CHERP: variants seen among roughly 807,000 people sequenced by gnomAD.
CHERP encodes ERPROT 213-21.
A neutral mutation model predicts 113.8 loss-of-function variants in CHERP; 8 were observed. The ratio of observed to expected loss-of-function variants is 0.07; its 90% confidence interval spans 0.04 to 0.13. CHERP has a LOEUF of 0.13. CHERP is among the 10% of genes least tolerant of loss of function. The probability of loss-of-function intolerance (pLI) is 1.00; values close to 1 mark genes in which losing one functional copy is unlikely to be tolerated. For missense variants in CHERP, 884 were observed against 1,298.2 expected (o/e 0.68, Z 4.90); for synonymous variants, 559 against 524.5 (o/e 1.07, Z -0.90).
intron 12 of CHERP, 81 bp downstream of exon 12, chr19:16,521,440 C>T: frequency 7.3e-7 from 1 of 1,364,096 alleles, no homozygotes; most frequent in Non-Finnish European, 9.7e-7. Context: ...CATTTTCTAG[C>T]CTGGACAGAA....
chr19:16,523,094 G>C lies in CHERP; in HGVS notation c.1938C>G (p.Pro646=), dbSNP rs1302567536. 1 of 1,535,290 alleles carries C rather than the reference G, an allele frequency of 6.5e-7. No individual in the cohort carries two copies. The highest frequency in any genetic ancestry group is 8.7e-7 in the Non-Finnish European group (1 of 1,144,498). The change falls in exon 11 of 17, where the codon CCC becomes CCG. Residue 646 remains proline (P), a synonymous_variant. Transcript: ENST00000546361. This position sits in a 1 kb window ranked among gnomAD's most constrained non-coding sequence, Gnocchi z 4.0. ...HDDPSLVPNV[P]YFDLPAGLMA... is the part of the protein sequence containing the mutation. Reference sequence around the variant, plus strand: ...TCAGCCCAGCAGGGAGATCGAAGTAGGGCACATTGGGGACCAGGCTGGGGT... The same window carrying C: ...TCAGCCCAGCAGGGAGATCGAAGTACGGCACATTGGGGACCAGGCTGGGGT...
Position 16,520,736 on chromosome 19 carries a change from G to T in CHERP, c.2201+90C>A. On this transcript the variant is annotated intron_variant, in intron 13 of 16. Coordinates refer to ENST00000546361, the MANE Select transcript of CHERP (RefSeq NM_006387.6). The surrounding 1 kb of genome is among the most constrained non-coding windows in gnomAD (Gnocchi z 4.0). ...CCATAGGCACAGGCTGTGTGAGGGT[G>T]GACGTGATGAGTGTATCTGGGGTCT... The T allele has an allele frequency of 7.6e-7, 1 of 1,320,632 alleles. No homozygotes were observed. Among genetic ancestry groups the T allele is most frequent in the Non-Finnish European group, 1.1e-6 (1 of 920,560 alleles). The allele number at this position is 1,320,632 out of a possible 1,614,324, so 81.8% of individuals were successfully genotyped here.
chr19:16,522,335 T>C (rs547383964), intron 11 of CHERP, among the ~76,000 whole-genome samples: 1 of 151,524 alleles, frequency 6.6e-6, no homozygotes, highest in East Asian at 2.0e-4. Context: ...CTCGGCTCAG[T>C]GCAAGCTCCG....
At chr19:16,528,364 T>A in intron 8 of CHERP, 109 bp from the exon 9 acceptor site, 1 of 1,118,118 alleles carries the variant, frequency 8.9e-7, no homozygotes, top group South Asian at 1.5e-5. Context: ...GCCCAGTGGA[T>A]GATCGCTTCA....
chr19:16,529,650 G>C lies in CHERP; in HGVS notation c.1127C>G (p.Pro376Arg), dbSNP rs2085683424. 1 of 1,542,738 alleles carries C rather than the reference G, an allele frequency of 6.5e-7. No homozygotes were observed. Among genetic ancestry groups the C allele is most frequent in the Non-Finnish European group, 8.7e-7 (1 of 1,148,274 alleles). The change falls in exon 8 of 17, where the codon CCT (proline) becomes CGT (arginine). Residue 376 changes from proline to arginine, a missense_variant and splice_region_variant. Around this residue, in one of 8 missense-constraint regions of CHERP, gnomAD observed 464 missense variants for 590.1 expected, o/e 0.79. Transcript: ENST00000546361. ...GCTGAGCTGAGGGAGCCCCGTACCA[G>C]GCTGGGTGGTGGGCGGGATGGCAGG... ...PAPAIPPTTQPDDSKPPIQMP... is the reference protein window; with the variant it reads ...PAPAIPPTTQRDDSKPPIQMP...
In CHERP at chr19:16,530,566, G is replaced by C; in HGVS notation, c.876+19C>G. Reference sequence around the variant, plus strand: ...CGCCCCAGCTCTAGGGTGAGGTGTGGGTGGGCAGGGACACTCACCTGGTAC... The same window carrying C: ...CGCCCCAGCTCTAGGGTGAGGTGTGCGTGGGCAGGGACACTCACCTGGTAC... On this transcript the variant is annotated intron_variant, in intron 7 of 16. Coordinates refer to ENST00000546361, the MANE Select transcript of CHERP (RefSeq NM_006387.6). This position sits in a 1 kb window ranked among gnomAD's most constrained non-coding sequence, Gnocchi z 4.1. The C allele has an allele frequency of 6.2e-7, 1 of 1,609,864 alleles. No individual in the cohort carries two copies. The highest frequency in any genetic ancestry group is 8.5e-7 in the Non-Finnish European group (1 of 1,176,268).
intron 5 of CHERP, 178 bp from the exon 6 acceptor site, chr19:16,531,058 G>C: frequency 1.2e-5 from 13 of 1,105,530 alleles, no homozygotes; most frequent in Non-Finnish European, 1.6e-5. Flanking sequence ...GCTCGAGGAA[G>C]GGACAGATGG....
chr19:16,533,186 G>A (rs1354395406), intron 3 of CHERP, 38 bp from the exon 4 acceptor site: 12 of 1,556,258 alleles, frequency 7.7e-6, no homozygotes, highest in Non-Finnish European at 1.0e-5. Context: ...AACACATGAG[G>A]AGGGACCCGC....
At chr19:16,542,214 G>A in intron 1 of CHERP, 140 bp downstream of exon 1, 1 of 1,071,318 alleles carries the variant, frequency 9.3e-7, no homozygotes, top group Non-Finnish European at 1.3e-6. Flanking sequence ...GGGAATGCGG[G>A]GACCCACGGG....
rs1461011296 is a variant in CHERP at position 16,525,275 on chromosome 19, G to A, written c.1708C>T (p.Arg570Cys). 3 of 1,436,190 alleles carry A rather than the reference G, an allele frequency of 2.1e-6. No homozygotes were observed. Among genetic ancestry groups the A allele is most frequent in the Non-Finnish European group, 2.7e-6 (3 of 1,092,952 alleles). 89.0% of individuals were successfully genotyped at this position (1,436,190 alleles called of 1,614,324 possible). A position where few individuals can be genotyped will look rare whatever the true frequency, so the allele number is the denominator to read the frequency against. The change falls in exon 10 of 17, where the codon CGC (arginine) becomes TGC (cysteine). Residue 570 changes from arginine to cysteine, a missense_variant. This residue lies in a region of CHERP where 464 missense variants were observed against 590.1 expected (regional missense o/e 0.79). Coordinates refer to ENST00000546361, the MANE Select transcript of CHERP (RefSeq NM_006387.6). This position sits in a 1 kb window ranked among gnomAD's most constrained non-coding sequence, Gnocchi z 6.5. ...HPFERPPYPH[R>C]FDYPQGDFPA... Reference sequence around the variant, plus strand: ...AAGTCCCCCTGGGGGTAGTCGAAGCGGTGGGGATAGGGCGGCCGCTCGAAG... The same window carrying A: ...AAGTCCCCCTGGGGGTAGTCGAAGCAGTGGGGATAGGGCGGCCGCTCGAAG...
At position 16,521,116 on chromosome 19, in the gene CHERP, G is replaced by A. The variant is rs551661784; in HGVS notation, c.2115-204C>T. ...GCCCAGTGGCTCCTCTGGTGCCCAC[G>A]CCCTTGCCACCCTGCTGTTCCGCTG... On this transcript the variant is annotated intron_variant, in intron 12 of 16. Coordinates refer to ENST00000546361, the MANE Select transcript of CHERP (RefSeq NM_006387.6). The A allele has an allele frequency of 2.5e-3, 1,523 of 611,712 alleles. 2 individuals are homozygous for A. The highest frequency in any genetic ancestry group is 3.8e-3 in the Non-Finnish European group (1,284 of 340,524). The allele number at this position is 611,712 out of a possible 1,614,324, so 37.9% of individuals were successfully genotyped here.
At position 16,519,522 on chromosome 19, in the gene CHERP, T is replaced by C; in HGVS notation, c.2557+99A>G. ...TGGAGTCAGAACCGGCCTGACTCCATCCATCCCCACATGCACTGAGGAAGA... is the reference window on the plus strand; with the variant it reads ...TGGAGTCAGAACCGGCCTGACTCCACCCATCCCCACATGCACTGAGGAAGA... On this transcript the variant is annotated intron_variant, in intron 16 of 16. Transcript: ENST00000546361. This position sits in a 1 kb window ranked among gnomAD's most constrained non-coding sequence, Gnocchi z 6.0. The C allele has an allele frequency of 7.7e-7, 1 of 1,292,848 alleles. No individual in the cohort carries two copies. The highest frequency in any genetic ancestry group is 1.1e-6 in the Non-Finnish European group (1 of 896,516). 80.1% of individuals were successfully genotyped at this position (1,292,848 alleles called of 1,614,324 possible). A position where few individuals can be genotyped will look rare whatever the true frequency, so the allele number is the denominator to read the frequency against.
Position 16,525,441 on chromosome 19 carries a change from G to C in CHERP, c.1542C>G (p.Phe514Leu). The C allele has an allele frequency of 6.5e-7, 1 of 1,540,906 alleles. No homozygotes were observed. The highest frequency in any genetic ancestry group is 8.8e-7 in the Non-Finnish European group (1 of 1,142,816). The change falls in exon 10 of 17, where the codon TTC becomes TTG. Residue 514 changes from phenylalanine to leucine, a missense_variant. Physicochemically the swap from Phe to Leu is conservative, Grantham distance 22. This residue lies in a region of CHERP where 464 missense variants were observed against 590.1 expected (regional missense o/e 0.79). Coordinates refer to ENST00000546361, the MANE Select transcript of CHERP (RefSeq NM_006387.6). The surrounding 1 kb of genome is among the most constrained non-coding windows in gnomAD (Gnocchi z 6.5). Reference sequence around the variant, plus strand: ...GGAAGTGTGGGGGCCGCTGCATGCGGAAGGGTGGCTCGCGCTGGCCCCCGC... The same window carrying C: ...GGAAGTGTGGGGGCCGCTGCATGCGCAAGGGTGGCTCGCGCTGGCCCCCGC... ...PWGGGQREPPFRMQRPPHFRG... is the reference protein window; with the variant it reads ...PWGGGQREPPLRMQRPPHFRG...
intron 11 of CHERP, 75 bp from the exon 12 acceptor site, chr19:16,521,729 G>A: frequency 7.0e-7 from 1 of 1,425,420 alleles, no homozygotes; most frequent in Non-Finnish European, 9.3e-7. Context: ...TGCAAGGAGT[G>A]GGGTCAGGGC....
chr19:16,529,497 T>A, intron 8 of CHERP, 151 bp downstream of exon 8: 1 of 952,970 alleles, frequency 1.0e-6, no homozygotes, highest in Non-Finnish European at 1.5e-6. Flanking sequence ...CTCGTGCTTG[T>A]AAATGGATGA....
chr19:16,520,386 A>T lies in CHERP; in HGVS notation c.2323T>A (p.Ser775Thr), dbSNP rs1568503909. The change falls in exon 14 of 17, where the codon TCC becomes ACC. Residue 775 changes from serine (S) to threonine (T), a missense_variant. Physicochemically the swap from Ser to Thr is moderately conservative, Grantham distance 58. This residue lies in a region of CHERP where 159 missense variants were observed against 185.8 expected (regional missense o/e 0.86). Coordinates refer to ENST00000546361, the MANE Select transcript of CHERP (RefSeq NM_006387.6). The surrounding 1 kb of genome is among the most constrained non-coding windows in gnomAD (Gnocchi z 4.0). ...TACCTAGATCTGGAGCGGGAGTAGG[A>T]ACGGGAGCAGGAGCGCGACCTTGAC... ...SRSRSRSCSR[S>T]YSRSRSRSRS... 6.2e-7 allele frequency: 1 copy of T among 1,613,826 alleles called. No individual in the cohort carries two copies. Among genetic ancestry groups the T allele is most frequent in the East Asian group, 2.2e-5 (1 of 44,854 alleles).
rs2085561962 is a variant in CHERP at position 16,518,049 on chromosome 19, A to G, written c.*1110T>C. On this transcript the variant is annotated 3_prime_UTR_variant, in exon 17 of 17. Transcript: ENST00000546361. ...TCAAATATTCATCACGTTGGGTTGA[A>G]AAGTTGGAAGATTTTGCATCTTATT... is the stretch of plus-strand genomic sequence containing the variant. 1.3e-5 allele frequency: 2 copies of G among 152,300 alleles called. No individual in the cohort carries two copies. The highest frequency in any genetic ancestry group is 4.1e-4 in the South Asian group (2 of 4,830). The allele number at this position is 152,300 out of a possible 1,614,324, so 9.4% of individuals were successfully genotyped here. A position where few individuals can be genotyped will look rare whatever the true frequency, so the allele number is the denominator to read the frequency against.
intron 5 of CHERP, among the ~76,000 whole-genome samples, chr19:16,531,094 G>T (rs2122269677): frequency 6.6e-6 from 1 of 152,312 alleles, no homozygotes; most frequent in Admixed American, 6.5e-5. Context: ...GGGAGGGAGA[G>T]AACGTGGCCT....
rs1433790698 is a variant in CHERP at position 16,530,713 on chromosome 19, G to A, written c.787-39C>T. On this transcript the variant is annotated intron_variant, in intron 6 of 16. Coordinates refer to ENST00000546361, the MANE Select transcript of CHERP (RefSeq NM_006387.6). The surrounding 1 kb of genome is among the most constrained non-coding windows in gnomAD (Gnocchi z 4.1). ...GAGAGAGAGGCCGGGTCAGTGGGGA[G>A]GGGAAAGGCCTGTGTGTCCCGGTCT... is the stretch of plus-strand genomic sequence containing the variant. 7 of 1,613,858 alleles carry A rather than the reference G, an allele frequency of 4.3e-6. No individual in the cohort carries two copies. Among genetic ancestry groups the A allele is most frequent in the Non-Finnish European group, 5.9e-6 (7 of 1,179,882 alleles).
Sources: gnomAD v4.1 joint callset for allele counts (sites outside exome capture counted in the v4.1 genomes callset) on GRCh38, gnomAD v4.1.1 for gene constraint, gnomAD v4.1.1 regional missense constraint, Gnocchi (gnomAD v3.1) non-coding constraint, MANE v1.5 for transcripts, NCBI Gene and HGNC (gene_info 2026-07-23, HGNC 2026-07-21) for gene names.